The following HECW2 variants were observed in gnomAD, a reference collection of about 807,000 sequenced individuals.
The protein encoded by HECW2 is HECT, C2 and WW domain containing E3 ubiquitin protein ligase 2.
In HECW2, 61 loss-of-function variants were observed where a neutral mutation model predicts 175.2. The observed-to-expected ratio is 0.35, with a 90% CI of 0.28 to 0.43. HECW2 has a LOEUF of 0.43. Among genes scored for constraint, HECW2 ranks in the 20% least tolerant of loss-of-function variants. The pLI is 1.00. For synonymous variants in HECW2, 671 were observed against 731.0 expected (o/e 0.92, Z 1.32); for missense variants, 1,524 against 2,000.5 (o/e 0.76, Z 4.54).
chr2:196,449,492 T>C (rs567795903), intron 1 of HECW2, among the ~76,000 whole-genome samples: 39 of 152,352 alleles, frequency 2.6e-4, no homozygotes, highest in Admixed American at 2.3e-3. Flanking sequence ...TGCCGATTTC[T>C]TTCTATGGAT....
intron 5 of HECW2, among the ~76,000 whole-genome samples, chr2:196,328,177 G>A (rs1692225845): frequency 6.6e-6 from 1 of 152,070 alleles, no homozygotes; most frequent in Admixed American, 6.6e-5. Flanking sequence ...CTGTCACCAG[G>A]GATTTTAGTA....
chr2:196,430,446 T>C (rs558000213), intron 2 of HECW2, among the ~76,000 whole-genome samples: 2 of 151,630 alleles, frequency 1.3e-5, no homozygotes, highest in South Asian at 2.1e-4. Flanking sequence ...AAATAGTCAA[T>C]AGGAACTGAT....
chr2:196,272,893 TAA>T (rs71410609), intron 16 of HECW2, among the ~76,000 whole-genome samples: 2 of 151,206 alleles, frequency 1.3e-5, no homozygotes, highest in African/African-American at 4.9e-5. Context: ...AGTAATAACA[TAA>T]AAAAAAACCT....
intron 17 of HECW2, chr2:196,269,457 C>G (rs1689642094): frequency 7.8e-6 from 1 of 127,890 alleles, no homozygotes; most frequent in African/African-American, 3.1e-5. Context: ...TGCACTCCAG[C>G]CTGGGCGACA....
rs534625120 is a variant in HECW2 at position 196,267,074 on chromosome 2, T to C, written c.3335+4119A>G. ...CATGTCCTCATGGTGAGGGGAGTTA[T>C]ATAGGAAGCACTCAAGGAGGAAACA... On this transcript the variant is annotated intron_variant, in intron 17 of 28. Transcript: ENST00000644978. Among the ~76,000 whole-genome samples the C allele has an allele frequency of 2.6e-5, 4 of 152,272 alleles. No individual in the cohort carries two copies. In the East Asian group the frequency reaches 5.8e-4, roughly 22 times the overall value.
At chr2:196,393,413 G>A (rs78312767) in intron 2 of HECW2, among the ~76,000 whole-genome samples, 22,786 of 152,090 alleles carry the variant, frequency 0.15, 1,867 homozygotes, top group Middle Eastern at 0.25. Context: ...ATGACAAAGG[G>A]CTAATATTGA....
intron 1 of HECW2, among the ~76,000 whole-genome samples, chr2:196,554,288 A>T (rs1320696283): frequency 7.9e-5 from 12 of 151,940 alleles, no homozygotes; most frequent in Non-Finnish European, 1.6e-4. Context: ...ATCGCGCCAC[A>T]GCACTCCCGC....
intron 14 of HECW2, 79 bp downstream of exon 14, chr2:196,292,486 T>C: frequency 1.6e-6 from 2 of 1,259,300 alleles, no homozygotes; most frequent in South Asian, 2.7e-5. Flanking sequence ...GGCCCTCACT[T>C]GAAGGGTAGG....
In HECW2 at chr2:196,332,519, T is replaced by C. The variant is rs554813379; in HGVS notation, c.495+1905A>G. On this transcript the variant is annotated intron_variant, in intron 4 of 28. Transcript: ENST00000644978. ...TATCTGTGACACTTTCAAGATGCTCTGAAACCTGTTTGAAGCAAATTATCT... is the reference window on the plus strand; with the variant it reads ...TATCTGTGACACTTTCAAGATGCTCCGAAACCTGTTTGAAGCAAATTATCT... Among the ~76,000 whole-genome samples, 5 of 152,368 alleles carry C rather than the reference T, an allele frequency of 3.3e-5. No individual in the cohort carries two copies. The South Asian group carries it at 1.0e-3, about 32-fold the overall frequency.
chr2:196,228,734 C>A (rs977417473), intron 21 of HECW2, among the ~76,000 whole-genome samples: 1 of 152,148 alleles, frequency 6.6e-6, no homozygotes, highest in Admixed American at 6.5e-5. Context: ...AAGAAAGATA[C>A]TTCCATGAAT....
At position 196,519,294 on chromosome 2, in the gene HECW2, A is replaced by G. The variant is rs117774428; in HGVS notation, c.-36+74214T>C. ...GTCTGCCACCCTATTCCATTTTCATAGATTCACCAGAAGAGCAGACATGCA... is the reference window on the plus strand; with the variant it reads ...GTCTGCCACCCTATTCCATTTTCATGGATTCACCAGAAGAGCAGACATGCA... On this transcript the variant is annotated intron_variant, in intron 1 of 28. Transcript: ENST00000644978. Among the ~76,000 whole-genome samples the G allele has an allele frequency of 2.0e-4, 31 of 152,348 alleles. No individual in the cohort carries two copies. In the East Asian group the frequency reaches 6.0e-3, roughly 29 times the overall value.
chr2:196,312,444 A>T (rs116222238), intron 10 of HECW2, among the ~76,000 whole-genome samples: 2 of 152,386 alleles, frequency 1.3e-5, no homozygotes, highest in Admixed American at 6.5e-5. Context: ...GCTTTGTGAT[A>T]AATGACAGAT....
chr2:196,468,405 C>T (rs1471650942), intron 1 of HECW2, among the ~76,000 whole-genome samples: 1 of 152,198 alleles, frequency 6.6e-6, no homozygotes, highest in African/African-American at 2.4e-5. Flanking sequence ...AACACCCACC[C>T]ACCCCTACGC....
In HECW2 at chr2:196,225,928, C is replaced by T. The variant is rs116253481; in HGVS notation, c.3918-58G>A. 2.0e-3 allele frequency: 2,096 copies of T among 1,057,368 alleles called. 30 individuals carry two copies. In the African/African-American group the frequency reaches 0.029, roughly 14 times the overall value. The allele number at this position is 1,057,368 out of a possible 1,614,324, so 65.5% of individuals were successfully genotyped here. ...TCATGGAGCAGTTTCTAGGTGGTTC[C>T]ATATGCTTTCTAGAATGCCTTCCAG... On this transcript the variant is annotated intron_variant, in intron 22 of 28. Coordinates refer to ENST00000644978, the MANE Select transcript of HECW2 (RefSeq NM_001348768.2).
chr2:196,517,457 A>G (rs1688191319), intron 1 of HECW2, among the ~76,000 whole-genome samples: 1 of 152,222 alleles, frequency 6.6e-6, no homozygotes, highest in Non-Finnish European at 1.5e-5. Context: ...AAATTTTATT[A>G]CAATATTTCT....
intron 2 of HECW2, among the ~76,000 whole-genome samples, chr2:196,373,892 C>A (rs182611584): frequency 5.3e-4 from 81 of 151,732 alleles, no homozygotes; most frequent in African/African-American, 1.8e-3. Flanking sequence ...ATTAGCCGGG[C>A]GTAGTGGCGG....
intron 1 of HECW2, among the ~76,000 whole-genome samples, chr2:196,467,355 G>A (rs1696998803): frequency 6.6e-6 from 1 of 152,030 alleles, no homozygotes; most frequent in African/African-American, 2.4e-5. Flanking sequence ...CAAACTGCTT[G>A]GTATAGGATG....
intron 1 of HECW2, among the ~76,000 whole-genome samples, chr2:196,544,492 C>G (rs1410435109): frequency 6.6e-6 from 1 of 152,188 alleles, no homozygotes; most frequent in Non-Finnish European, 1.5e-5. Flanking sequence ...ATTGCTGTAA[C>G]CAATCCAGTT....
At chr2:196,477,884 T>C (rs756410360) in intron 1 of HECW2, among the ~76,000 whole-genome samples, 6 of 152,086 alleles carry the variant, frequency 3.9e-5, no homozygotes, top group Non-Finnish European at 7.4e-5. Context: ...AAACCCCGTC[T>C]CTACTGAAAA....
Sources: allele counts gnomAD v4.1 joint callset (sites outside exome capture counted in the v4.1 genomes callset), GRCh38; gene constraint gnomAD v4.1.1; transcripts MANE v1.5; gene names NCBI Gene and HGNC (gene_info 2026-07-23, HGNC 2026-07-21).